TRIO: variants seen among roughly 807,000 people sequenced by gnomAD.
TRIO encodes triple functional domain protein.
A neutral mutation model predicts 351.9 loss-of-function variants in TRIO; 58 were observed. That is an observed-to-expected ratio of 0.16 (90% confidence interval 0.13 to 0.21). The LOEUF is 0.21. Ranked by LOEUF, TRIO falls within the 10% of genes least tolerant of loss-of-function variation. The probability of loss-of-function intolerance (pLI) is 1.00; values close to 1 mark genes in which losing one functional copy is unlikely to be tolerated. For missense variants in TRIO, 3,201 were observed against 4,027.8 expected (o/e 0.79, Z 5.56); for synonymous variants, 1,758 against 1,595.7 (o/e 1.10, Z -2.42).
At chr5:14,222,024 C>G (rs895731887) in intron 1 of TRIO, among the ~76,000 whole-genome samples, 2 of 152,156 alleles carry the variant, frequency 1.3e-5, no homozygotes, top group African/African-American at 4.8e-5. Flanking sequence ...GCCACCCCAG[C>G]CTTCAAGCAG....
At chr5:14,222,068 C>T (rs187909617) in intron 1 of TRIO, among the ~76,000 whole-genome samples, 91 of 152,096 alleles carry the variant, frequency 6.0e-4, no homozygotes, top group African/African-American at 2.0e-3. Flanking sequence ...CCATCCACAT[C>T]GCGGCAAGAC....
chr5:14,492,217 T>C (rs541342793), intron 48 of TRIO, among the ~76,000 whole-genome samples: 1 of 152,372 alleles, frequency 6.6e-6, no homozygotes, highest in African/African-American at 2.4e-5. Context: ...TGGCTATGTT[T>C]GCTTAGGAGT....
chr5:14,487,468 G>T lies in TRIO; in HGVS notation c.6840G>T (p.Leu2280Phe). The change falls in exon 48 of 57, where the codon TTG (leucine) becomes TTT (phenylalanine). Residue 2280 changes from leucine to phenylalanine, a missense_variant. Transcript: ENST00000344204. ...LENQRNFLNA[L>F]TSPIEYQRNH... ...TCCCGCTGTCTTGTCTTACAGCCTT[G>T]ACATCGCCAATCGAGTACCAGAGGA... 9.1e-7 allele frequency: 1 copy of T among 1,093,132 alleles called. No homozygotes were observed. Among genetic ancestry groups the T allele is most frequent in the Non-Finnish European group, 1.1e-6 (1 of 881,954 alleles). The allele number at this position is 1,093,132 out of a possible 1,614,324, so 67.7% of individuals were successfully genotyped here. A position where few individuals can be genotyped will look rare whatever the true frequency, so the allele number is the denominator to read the frequency against.
intron 1 of TRIO, among the ~76,000 whole-genome samples, chr5:14,207,389 TACACACACACAC>T (rs70964544): frequency 0.086 from 1,011 of 11,728 alleles, 379 homozygotes; most frequent in East Asian, 0.16. Flanking sequence ...CAAGACTGTC[TACACACACACAC>T]ACACACACAC....
At chr5:14,321,398 A>G (rs1315918412) in intron 9 of TRIO, among the ~76,000 whole-genome samples, 1 of 152,254 alleles carries the variant, frequency 6.6e-6, no homozygotes, top group Non-Finnish European at 1.5e-5. Flanking sequence ...GAAGGAGCTC[A>G]TGCTTACCTG....
intron 1 of TRIO, among the ~76,000 whole-genome samples, chr5:14,198,954 T>C (rs1030697656): frequency 3.3e-5 from 5 of 152,082 alleles, no homozygotes; most frequent in Non-Finnish European, 5.9e-5. Flanking sequence ...AAGTACCTCT[T>C]GGGCCGGGTG....
At position 14,510,039 on chromosome 5, in the gene TRIO, A is replaced by C. The variant is rs767452845; in HGVS notation, c.*1617A>C. 6.6e-6 allele frequency: 1 copy of C among 152,124 alleles called. No individual in the cohort carries two copies. The highest frequency in any genetic ancestry group is 2.4e-5 in the African/African-American group (1 of 41,392). The allele number at this position is 152,124 out of a possible 1,614,324, so 9.4% of individuals were successfully genotyped here. ...ACTGGATGTGTATTCGTAACCTCAT[A>C]ATTTTTATTTGTGTATTGTTTCTTT... On this transcript the variant is annotated 3_prime_UTR_variant, in exon 57 of 57. Coordinates refer to ENST00000344204, the MANE Select transcript of TRIO (RefSeq NM_007118.4).
chr5:14,353,837 C>A (rs1338195648), intron 11 of TRIO, among the ~76,000 whole-genome samples: 3 of 152,236 alleles, frequency 2.0e-5, no homozygotes, highest in Admixed American at 2.0e-4. Flanking sequence ...AGCTATGTAT[C>A]GTGCATCCGG....
chr5:14,265,055 A>G (rs1352806368), intron 1 of TRIO, among the ~76,000 whole-genome samples: 2 of 149,496 alleles, frequency 1.3e-5, no homozygotes, highest in Non-Finnish European at 3.0e-5. Flanking sequence ...TACTGCTGCA[A>G]CCTGTGTTTT....
intron 7 of TRIO, among the ~76,000 whole-genome samples, chr5:14,300,334 G>A (rs1173778589): frequency 3.3e-5 from 5 of 152,172 alleles, no homozygotes; most frequent in Non-Finnish European, 7.3e-5. Context: ...CACCATGTGT[G>A]GCTATTGAAG....
chr5:14,384,794 A>G (rs1443170573), intron 21 of TRIO, among the ~76,000 whole-genome samples: 1 of 152,222 alleles, frequency 6.6e-6, no homozygotes, highest in Non-Finnish European at 1.5e-5. Context: ...AAAATGTAAA[A>G]CTTTACACAA....
intron 34 of TRIO, among the ~76,000 whole-genome samples, chr5:14,451,202 A>G (rs1256455984): frequency 6.6e-6 from 1 of 152,204 alleles, no homozygotes; most frequent in Admixed American, 6.5e-5. Context: ...GATGATTATA[A>G]TCACTGTGTA....
intron 8 of TRIO, among the ~76,000 whole-genome samples, chr5:14,308,320 C>A (rs1344759641): frequency 2.0e-5 from 3 of 150,318 alleles, no homozygotes; most frequent in Non-Finnish European, 3.0e-5. Flanking sequence ...AATCACCCAA[C>A]CACCCATCCA....
chr5:14,366,947 C>T lies in TRIO; in HGVS notation c.2842C>T (p.Arg948Ter). 1 of 1,614,174 alleles carries T rather than the reference C, an allele frequency of 6.2e-7. No homozygotes were observed. The highest frequency in any genetic ancestry group is 8.5e-7 in the Non-Finnish European group (1 of 1,180,044). Reference sequence around the variant, plus strand: ...GTTACAAGAGGCAGAGCAGCTCCAGCGAGAGCACGAGCAGTTCCAGCATGC... The same window carrying T: ...GTTACAAGAGGCAGAGCAGCTCCAGTGAGAGCACGAGCAGTTCCAGCATGC... ...SSLQEAEQLQREHEQFQHAIE... is the reference protein window; with the variant it reads ...SSLQEAEQLQ The change falls in exon 16 of 57, where the codon CGA becomes TGA. Residue 948 changes from arginine (R) to a stop codon, truncating the protein, a stop_gained. Transcript: ENST00000344204. LOFTEE classifies it high-confidence loss of function.
At chr5:14,369,232 G>T in intron 17 of TRIO, 142 bp from the exon 18 acceptor site, 1 of 1,217,800 alleles carries the variant, frequency 8.2e-7, no homozygotes, top group African/African-American at 1.5e-5. Context: ...CTCCAGCCAG[G>T]TGGAGCCCAT....
intron 33 of TRIO, among the ~76,000 whole-genome samples, chr5:14,412,891 C>T (rs944886348): frequency 1.3e-5 from 2 of 152,260 alleles, no homozygotes; most frequent in African/African-American, 4.8e-5. Flanking sequence ...GCCTCTGCCT[C>T]AGCAGCTGGT....
At chr5:14,153,776 G>A (rs1279864908) in intron 1 of TRIO, among the ~76,000 whole-genome samples, 1 of 152,142 alleles carries the variant, frequency 6.6e-6, no homozygotes, top group African/African-American at 2.4e-5. Context: ...CTCATGGAAG[G>A]AGAGAGTAGG....
At chr5:14,364,891 G>T in intron 15 of TRIO, 75 bp downstream of exon 15, 1 of 1,501,964 alleles carries the variant, frequency 6.7e-7, no homozygotes, top group South Asian at 1.3e-5. Flanking sequence ...CGGAAATTCT[G>T]ACCTGTAGCA....
At position 14,487,464 on chromosome 5, in the gene TRIO, C is replaced by T; in HGVS notation, c.6836C>T (p.Ala2279Val). ...ILENQRNFLN[A>V]LTSPIEYQRN... The stretch of plus-strand genomic sequence containing the variant: ...TCTCTCCCGCTGTCTTGTCTTACAG[C>T]CTTGACATCGCCAATCGAGTACCAG... Residue 2279 changes from alanine to valine, a missense_variant and splice_region_variant, in exon 48 of 57, where the codon GCC becomes GTC. This residue lies in a region of TRIO where 1,089 missense variants were observed against 954.9 expected (regional missense o/e 1.14). Transcript: ENST00000344204. 7.3e-6 allele frequency: 8 copies of T among 1,098,434 alleles called. No homozygotes were observed. The highest frequency in any genetic ancestry group is 9.0e-6 in the Non-Finnish European group (8 of 884,774). 68.0% of individuals were successfully genotyped at this position (1,098,434 alleles called of 1,614,324 possible).
Sources: gnomAD v4.1 joint callset for allele counts (sites outside exome capture counted in the v4.1 genomes callset) on GRCh38, gnomAD v4.1.1 for gene constraint, gnomAD v4.1.1 regional missense constraint, MANE v1.5 for transcripts, NCBI Gene and HGNC (gene_info 2026-07-23, HGNC 2026-07-21) for gene names.